Variants in CLSTN2 observed in about 807,000 individuals in gnomAD.
CLSTN2 encodes calsyntenin 2.
Under a neutral mutation model 101.2 loss-of-function variants are expected in CLSTN2, and 48 were observed. That is an observed-to-expected ratio of 0.47 (90% CI 0.38 to 0.60). The LOEUF (loss-of-function observed/expected upper bound fraction) is 0.60. Among genes scored for constraint, CLSTN2 ranks in the 20% least tolerant of loss-of-function variants. The pLI, the probability that CLSTN2 is intolerant of heterozygous loss-of-function variation, is 0.00. For synonymous variants in CLSTN2, 481 were observed against 463.6 expected (o/e 1.04, Z -0.48); for missense variants, 1,160 against 1,238.2 (o/e 0.94, Z 0.95).
intron 2 of CLSTN2, among the ~76,000 whole-genome samples, chr3:140,193,327 C>T (rs2010600054): frequency 7.0e-6 from 1 of 143,248 alleles, no homozygotes; most frequent in African/African-American, 2.6e-5. Flanking sequence ...CAGAATAGGC[C>T]TGCTGGTGAC....
intron 2 of CLSTN2, among the ~76,000 whole-genome samples, chr3:140,229,509 C>T (rs2086352693): frequency 6.6e-6 from 1 of 151,828 alleles, no homozygotes; most frequent in Non-Finnish European, 1.5e-5. Context: ...CCTTTTTCTC[C>T]ATCCCAGGGC....
chr3:140,106,335 T>A (rs892009631), intron 1 of CLSTN2, among the ~76,000 whole-genome samples: 1 of 152,176 alleles, frequency 6.6e-6, no homozygotes, highest in African/African-American at 2.4e-5. Context: ...AATAGACAGA[T>A]TTGATCAAGA....
intron 2 of CLSTN2, among the ~76,000 whole-genome samples, chr3:140,249,964 G>A (rs75059549): frequency 6.6e-6 from 1 of 152,322 alleles, no homozygotes; most frequent in East Asian, 1.9e-4. Flanking sequence ...ACAGCTGGCA[G>A]GGAAAGCTCA....
intron 1 of CLSTN2, among the ~76,000 whole-genome samples, chr3:140,126,672 A>T (rs1398034086): frequency 3.9e-5 from 6 of 152,146 alleles, no homozygotes; most frequent in Admixed American, 2.6e-4. Flanking sequence ...TGCTTCTCCC[A>T]TTTTTGCCAA....
chr3:140,193,036 A>T (rs553663795), intron 2 of CLSTN2, among the ~76,000 whole-genome samples: 2 of 151,954 alleles, frequency 1.3e-5, no homozygotes, highest in East Asian at 3.9e-4. Flanking sequence ...CAAAAGATGT[A>T]TGGGAATATC....
intron 2 of CLSTN2, among the ~76,000 whole-genome samples, chr3:140,356,253 G>T (rs893664016): frequency 2.0e-5 from 3 of 152,214 alleles, no homozygotes; most frequent in Non-Finnish European, 2.9e-5. Flanking sequence ...ATCAGAGGGA[G>T]CAGAAAGCAG....
At chr3:140,561,265 A>G (rs1185611508) in intron 12 of CLSTN2, among the ~76,000 whole-genome samples, 1 of 152,186 alleles carries the variant, frequency 6.6e-6, no homozygotes, top group African/African-American at 2.4e-5. Flanking sequence ...GGGGATAGTA[A>G]TAGTACCCCC....
At chr3:140,429,754 A>G (rs762388044) in intron 5 of CLSTN2, among the ~76,000 whole-genome samples, 10 of 152,180 alleles carry the variant, frequency 6.6e-5, no homozygotes, top group Non-Finnish European at 1.3e-4. Context: ...ACTCCCCCAA[A>G]AGTACTAAAA....
chr3:140,175,835 A>C, intron 1 of CLSTN2, 116 bp from the exon 2 acceptor site: 2 of 1,015,578 alleles, frequency 2.0e-6, no homozygotes, highest in Non-Finnish European at 2.8e-6. Flanking sequence ...CATGTCTCTC[A>C]TGGGATTGTT....
intron 2 of CLSTN2, among the ~76,000 whole-genome samples, chr3:140,288,126 C>A (rs1324434873): frequency 8.6e-4 from 1 of 1,162 alleles, no homozygotes; most frequent in Admixed American, 8.2e-3. Flanking sequence ...GAACAGGAAA[C>A]CGGCGGGGGG....
At position 140,053,709 on chromosome 3, in the gene CLSTN2, A is replaced by T. The variant is rs115638804; in HGVS notation, c.109+118226A>T. Among the ~76,000 whole-genome samples, 559 of 152,030 alleles carry T rather than the reference A, an allele frequency of 3.7e-3. 3 individuals carry two copies. Among genetic ancestry groups the T allele is most frequent in the African/African-American group, 0.013 (535 of 41,446 alleles). ...CTTCCTTCTCCAAAGATCTGCCTTC[A>T]TTCCTGCCCCCTGAGCTGTGAGGCT... On this transcript the variant is annotated intron_variant, in intron 1 of 16. Coordinates refer to ENST00000458420, the MANE Select transcript of CLSTN2 (RefSeq NM_022131.3).
intron 2 of CLSTN2, among the ~76,000 whole-genome samples, chr3:140,253,549 A>C (rs2086580969): frequency 6.6e-6 from 1 of 152,206 alleles, no homozygotes; most frequent in African/African-American, 2.4e-5. Flanking sequence ...GTATGAGCAC[A>C]GGCCCCTGAC....
intron 8 of CLSTN2, among the ~76,000 whole-genome samples, chr3:140,480,512 G>A (rs1181825901): frequency 6.6e-6 from 1 of 152,180 alleles, no homozygotes; most frequent in African/African-American, 2.4e-5. Context: ...GATCCCTGAG[G>A]AATCGCCAAC....
chr3:140,303,666 C>T (rs2087082684), intron 2 of CLSTN2, among the ~76,000 whole-genome samples: 1 of 151,972 alleles, frequency 6.6e-6, no homozygotes, highest in African/African-American at 2.4e-5. Flanking sequence ...GTAAAATGTT[C>T]CAGAACAAAT....
At chr3:140,091,394 C>T (rs2008777736) in intron 1 of CLSTN2, among the ~76,000 whole-genome samples, 1 of 152,216 alleles carries the variant, frequency 6.6e-6, no homozygotes, top group African/African-American at 2.4e-5. Flanking sequence ...CTGTACCCAA[C>T]AGACCACTGC....
intron 1 of CLSTN2, among the ~76,000 whole-genome samples, chr3:140,171,791 AAT>A (rs34903884): frequency 9.4e-6 from 1 of 106,152 alleles, no homozygotes; most frequent in East Asian, 2.2e-4. Flanking sequence ...TATAATATAT[AAT>A]ATATAATATG....
chr3:140,293,587 T>C (rs1187408556), intron 2 of CLSTN2, among the ~76,000 whole-genome samples: 1 of 152,152 alleles, frequency 6.6e-6, no homozygotes, highest in Non-Finnish European at 1.5e-5. Flanking sequence ...AAGATATATT[T>C]AGGCAGGACG....
At chr3:140,516,743 T>C (rs1206717673) in intron 8 of CLSTN2, among the ~76,000 whole-genome samples, 3 of 152,166 alleles carry the variant, frequency 2.0e-5, no homozygotes, top group Non-Finnish European at 4.4e-5. Context: ...CCTGATGCTT[T>C]TGCCTCGCAG....
chr3:139,945,097 G>A lies in CLSTN2; in HGVS notation c.109+9614G>A, dbSNP rs539287936. 1.1e-3 allele frequency among the ~76,000 whole-genome samples: 171 copies of A among 152,206 alleles called. 2 individuals are homozygous for A. Among genetic ancestry groups the A allele is most frequent in the Non-Finnish European group, 9.4e-4 (64 of 67,982 alleles). On this transcript the variant is annotated intron_variant, in intron 1 of 16. Coordinates refer to ENST00000458420, the MANE Select transcript of CLSTN2 (RefSeq NM_022131.3). ...AGTTAAAAAAAAAGACATCATTTTT[G>A]TGACTTCAGCCACTTTGCATCTCTA...
Sources: allele counts gnomAD v4.1 joint callset (sites outside exome capture counted in the v4.1 genomes callset), GRCh38; gene constraint gnomAD v4.1.1; transcripts MANE v1.5; gene names NCBI Gene and HGNC (gene_info 2026-07-23, HGNC 2026-07-21).